The following ANGPT4 variants were observed in gnomAD, a reference collection of about 807,000 sequenced individuals.
ANGPT4 encodes angiopoietin-4.
In ANGPT4, 50 loss-of-function variants were observed where a neutral mutation model predicts 53.0. The ratio of observed to expected loss-of-function variants is 0.94; its 90% CI spans 0.75 to 1.20. The LOEUF (loss-of-function observed/expected upper bound fraction) is 1.20, where lower values mean the gene tolerates loss of function less well. Ranked by LOEUF, ANGPT4 falls within the 50% of genes most tolerant of loss-of-function variation. The pLI is 0.00. For missense variants in ANGPT4, 648 were observed against 637.1 expected (o/e 1.02, Z -0.18); for synonymous variants, 251 against 259.7 (o/e 0.97, Z 0.32).
rs182238005 is a variant in ANGPT4 at position 890,161 on chromosome 20, C to G, written c.465+52G>C. On this transcript the variant is annotated intron_variant, in intron 2 of 8. Coordinates refer to ENST00000381922, the MANE Select transcript of ANGPT4 (RefSeq NM_015985.4). ...AAGGTAAGATGACTGGGGCTACGAA[C>G]CAGCCTGGCCAGCCACAGGCCCTCA... 1.3e-5 allele frequency: 20 copies of G among 1,584,470 alleles called. No homozygotes were observed. In the East Asian group the frequency reaches 3.8e-4, roughly 30 times the overall value.
In ANGPT4 at chr20:877,176, G is replaced by C. The variant is rs553634980; in HGVS notation, c.1220+985C>G. Among the ~76,000 whole-genome samples, 5 of 152,374 alleles carry C rather than the reference G, an allele frequency of 3.3e-5. No individual in the cohort carries two copies. The South Asian group carries it at 1.0e-3, about 32-fold the overall frequency. On this transcript the variant is annotated intron_variant, in intron 7 of 8. Coordinates refer to ENST00000381922, the MANE Select transcript of ANGPT4 (RefSeq NM_015985.4). ...CAGGCATAAAGTTCAGGAGGACAGA[G>C]AGTCATTCAGAGATTCCTTGTGGGG...
chr20:898,462 G>A (rs528633941), intron 1 of ANGPT4, among the ~76,000 whole-genome samples: 7 of 152,114 alleles, frequency 4.6e-5, no homozygotes, highest in East Asian at 1.9e-4. Context: ...ACCCAGCCCC[G>A]TTCATGGCCC....
At chr20:890,025 C>CA (rs1981770443) in intron 2 of ANGPT4, among the ~76,000 whole-genome samples, 188 bp downstream of exon 2, 1 of 152,222 alleles carries the variant, frequency 6.6e-6, no homozygotes, top group Non-Finnish European at 1.5e-5. Flanking sequence ...ATCCACCCCC[C>CA]AGGGCTCATA....
Position 872,909 on chromosome 20 carries a change from T to C in ANGPT4, c.*51A>G, listed in dbSNP as rs1980999656. 6.2e-7 allele frequency: 1 copy of C among 1,605,118 alleles called. No individual in the cohort carries two copies. Among genetic ancestry groups the C allele is most frequent in the East Asian group, 2.2e-5 (1 of 44,740 alleles). On this transcript the variant is annotated 3_prime_UTR_variant, in exon 9 of 9. Transcript: ENST00000381922. ...CATCTGGGTCCAGGTTGTCCAGGAGTGCCAAGTCCGAGCTTCTCCTGTGTG... is the reference window on the plus strand; with the variant it reads ...CATCTGGGTCCAGGTTGTCCAGGAGCGCCAAGTCCGAGCTTCTCCTGTGTG...
chr20:881,072 C>T, intron 5 of ANGPT4, 99 bp downstream of exon 5: 2 of 961,096 alleles, frequency 2.1e-6, no homozygotes, highest in Admixed American at 6.3e-5. Flanking sequence ...ATTTCAGATA[C>T]TGGACAAAGC....
In ANGPT4 at chr20:890,231, C is replaced by T; in HGVS notation, c.447G>A (p.Leu149=). Reference sequence around the variant, plus strand: ...CTGTTACCTGAGCCTCCATGTCGGTCAGCTTGCGGATCTGGGCAGTGGTCT... The same window carrying T: ...CTGTTACCTGAGCCTCCATGTCGGTTAGCTTGCGGATCTGGGCAGTGGTCT... ...LNQTTAQIRK[L]TDMEAQLLNQ... The change falls in exon 2 of 9, where the codon CTG becomes CTA. Residue 149 remains leucine, a synonymous_variant. Transcript: ENST00000381922. The T allele has an allele frequency of 6.2e-7, 1 of 1,613,800 alleles. No individual in the cohort carries two copies. The highest frequency in any genetic ancestry group is 8.5e-7 in the Non-Finnish European group (1 of 1,179,888).
intron 5 of ANGPT4, among the ~76,000 whole-genome samples, chr20:880,717 AT>A (rs1232801490): frequency 6.6e-6 from 1 of 152,104 alleles, no homozygotes; most frequent in African/African-American, 2.4e-5. Flanking sequence ...TTGACCTTAA[AT>A]TTTAGGACAA....
rs1393181884 is a variant in ANGPT4 at position 885,331 on chromosome 20, G to C, written c.588-6C>G. ...GCAACCGCTTCTCGAGCGCGCTGCGGGGTAGGGGGCGCACAGAGGTGAGCC... is the reference window on the plus strand; with the variant it reads ...GCAACCGCTTCTCGAGCGCGCTGCGCGGTAGGGGGCGCACAGAGGTGAGCC... On this transcript the variant is annotated splice_region_variant and splice_polypyrimidine_tract_variant and intron_variant, in intron 3 of 8. Coordinates refer to ENST00000381922, the MANE Select transcript of ANGPT4 (RefSeq NM_015985.4). 9 of 1,574,812 alleles carry C rather than the reference G, an allele frequency of 5.7e-6. No homozygotes were observed. In the Admixed American group the frequency reaches 7.0e-5, roughly 12 times the overall value.
rs753697482 is a variant in ANGPT4, at chr20:872,999, C to T, written c.1473G>A (p.Leu491=). Residue 491 remains leucine (L), a synonymous_variant, in exon 9 of 9, where the codon CTG becomes CTA. Transcript: ENST00000381922. ...WHYFKGPSYS[L]RASRMMIRPL... is the part of the protein sequence containing the mutation. ...GCCGTATCATCATGCGAGAGGCACGCAGTGAGTAGCTGGGGCCCTTGAAGT... is the reference window on the plus strand; with the variant it reads ...GCCGTATCATCATGCGAGAGGCACGTAGTGAGTAGCTGGGGCCCTTGAAGT... The T allele has an allele frequency of 1.4e-5, 23 of 1,613,992 alleles. No individual in the cohort carries two copies. Among genetic ancestry groups the T allele is most frequent in the African/African-American group, 2.7e-5 (2 of 74,938 alleles).
intron 7 of ANGPT4, among the ~76,000 whole-genome samples, chr20:876,938 T>C (rs141059772): frequency 0.029 from 4,366 of 152,192 alleles, 160 homozygotes; most frequent in African/African-American, 0.083. Context: ...TCCCAGCTAC[T>C]TGGGAGGCTG....
intron 1 of ANGPT4, among the ~76,000 whole-genome samples, chr20:895,134 G>A (rs73892519): frequency 0.037 from 5,569 of 152,218 alleles, 370 homozygotes; most frequent in African/African-American, 0.13. Context: ...CAGCTGGAAG[G>A]GCAGGGAATG....
At chr20:898,882 G>A (rs751499781) in intron 1 of ANGPT4, among the ~76,000 whole-genome samples, 3 of 152,130 alleles carry the variant, frequency 2.0e-5, no homozygotes, top group Non-Finnish European at 4.4e-5. Context: ...CTCCTAAGCC[G>A]TGTCCCATCT....
Position 885,116 on chromosome 20 carries a change from C to G in ANGPT4, c.797G>C (p.Arg266Pro), listed in dbSNP as rs1348973448. 1.9e-6 allele frequency: 3 copies of G among 1,613,446 alleles called. No individual in the cohort carries two copies. The highest frequency in any genetic ancestry group is 1.1e-5 in the South Asian group (1 of 90,952). ...GTTAGCCCTTTCTTGCACCAGGTGC[C>G]GCAACAACACCAGCAGCTGGCGCAG... Reference protein sequence around the residue: ...HSLRQLLVLLRHLVQERANAS... With the variant: ...HSLRQLLVLLPHLVQERANAS... Residue 266 changes from arginine to proline, a missense_variant, in exon 4 of 9, where the codon CGG becomes CCG. Transcript: ENST00000381922.
Position 872,635 on chromosome 20 carries a change from T to C in ANGPT4, c.*325A>G, listed in dbSNP as rs906135450. ...TTCCCACCTGCCTGCAACCCCACCA[T>C]TGGTCATGGGAATCAAGTTTGGTCT... On this transcript the variant is annotated 3_prime_UTR_variant, in exon 9 of 9. Coordinates refer to ENST00000381922, the MANE Select transcript of ANGPT4 (RefSeq NM_015985.4). 15 of 236,300 alleles carry C rather than the reference T, an allele frequency of 6.3e-5. No individual in the cohort carries two copies. Among genetic ancestry groups the C allele is most frequent in the Non-Finnish European group, 1.2e-4 (14 of 120,946 alleles). 14.6% of individuals were successfully genotyped at this position (236,300 alleles called of 1,614,324 possible).
rs543038145 is a variant in ANGPT4 at position 914,414 on chromosome 20, C to A, written c.309+1492G>T. Among the ~76,000 whole-genome samples, 1 of 152,188 alleles carries A rather than the reference C, an allele frequency of 6.6e-6. No individual in the cohort carries two copies. Among genetic ancestry groups the A allele is most frequent in the South Asian group, 2.1e-4 (1 of 4,818 alleles). On this transcript the variant is annotated intron_variant, in intron 1 of 8. Coordinates refer to ENST00000381922, the MANE Select transcript of ANGPT4 (RefSeq NM_015985.4). The surrounding 1 kb of genome is among the most constrained non-coding windows in gnomAD (Gnocchi z 5.0). ...CAAAGTGGGAGTCTGGGAGAGGGAA[C>A]TCCAGGGAGTAAGGGTTCTTGCTTT...
chr20:916,194 C>G lies in ANGPT4; in HGVS notation c.21G>C (p.Met7Ile). Reference protein sequence around the residue: MLSQLAMLQGSLLLVVA... With the variant: MLSQLAILQGSLLLVVA... ...CCACAAGGAGGAGGCTGCCCTGCAG[C>G]ATGGCTAGCTGGGAGAGCATCTGAA... The change falls in exon 1 of 9, where the codon ATG becomes ATC. Residue 7 changes from methionine to isoleucine, a missense_variant. Coordinates refer to ENST00000381922, the MANE Select transcript of ANGPT4 (RefSeq NM_015985.4). The G allele has an allele frequency of 6.2e-7, 1 of 1,613,232 alleles. No homozygotes were observed. The highest frequency in any genetic ancestry group is 1.1e-5 in the South Asian group (1 of 91,054).
intron 8 of ANGPT4, 134 bp from the exon 9 acceptor site, chr20:873,254 G>A: frequency 5.9e-6 from 2 of 337,132 alleles, no homozygotes; most frequent in South Asian, 2.2e-5. Context: ...GCTGGCTGGG[G>A]ATGGGGCTGG....
chr20:895,367 A>G (rs971260981), intron 1 of ANGPT4, among the ~76,000 whole-genome samples: 4 of 152,008 alleles, frequency 2.6e-5, no homozygotes, highest in Admixed American at 1.3e-4. Flanking sequence ...CTACTGCCCC[A>G]TCCCCTTGGC....
intron 8 of ANGPT4, 65 bp downstream of exon 8, chr20:874,219 G>A (rs954873728): frequency 2.5e-6 from 4 of 1,595,340 alleles, no homozygotes; most frequent in Non-Finnish European, 3.4e-6. Context: ...ACCTGGGGAG[G>A]GAATGGGAGT....
Sources: gnomAD v4.1 joint callset for allele counts (sites outside exome capture counted in the v4.1 genomes callset) on GRCh38, gnomAD v4.1.1 for gene constraint, Gnocchi (gnomAD v3.1) non-coding constraint, MANE v1.5 for transcripts, NCBI Gene and HGNC (gene_info 2026-07-23, HGNC 2026-07-21) for gene names.